LOXL2: variants seen among roughly 807,000 people sequenced by gnomAD.
The protein encoded by LOXL2 is lysyl oxidase homolog 2.
A neutral mutation model predicts 93.0 loss-of-function variants in LOXL2; 70 were observed. The observed-to-expected ratio is 0.75, with a 90% CI of 0.62 to 0.92. The LOEUF (loss-of-function observed/expected upper bound fraction) is 0.92, where lower values mean the gene tolerates loss of function less well. LOXL2 is among the 40% of genes least tolerant of loss of function. The probability of loss-of-function intolerance (pLI) is 0.00; values close to 1 mark genes in which losing one functional copy is unlikely to be tolerated. For missense variants in LOXL2, 973 were observed against 1,054.9 expected (o/e 0.92, Z 1.08); for synonymous variants, 438 against 413.2 (o/e 1.06, Z -0.73).
intron 6 of LOXL2, 77 bp from the exon 7 acceptor site, chr8:23,322,358 A>G (rs1285579707): frequency 2.2e-6 from 3 of 1,334,572 alleles, no homozygotes; most frequent in Non-Finnish European, 3.1e-6. Flanking sequence ...GCCCTGGACA[A>G]TAAGAACATG....
chr8:23,341,436 G>C (rs868488044), intron 3 of LOXL2: 5 of 566,958 alleles, frequency 8.8e-6, no homozygotes, highest in Non-Finnish European at 1.6e-5. Flanking sequence ...CAGGGAGTGG[G>C]GTGACCTGGA....
chr8:23,383,806 G>A lies in LOXL2; in HGVS notation c.-83-15372C>T, dbSNP rs529147189. On this transcript the variant is annotated intron_variant, in intron 1 of 13. Transcript: ENST00000389131. ...CTCCCGAGTAGCTGGGACTACAGGCGCCCGCCACCACGCCCGGCTAATTTT... is the reference window on the plus strand; with the variant it reads ...CTCCCGAGTAGCTGGGACTACAGGCACCCGCCACCACGCCCGGCTAATTTT... 4.5e-3 allele frequency among the ~76,000 whole-genome samples: 676 copies of A among 151,496 alleles called. 6 individuals are homozygous for A. Among genetic ancestry groups the A allele is most frequent in the African/African-American group, 0.015 (624 of 41,276 alleles).
intron 1 of LOXL2, among the ~76,000 whole-genome samples, chr8:23,390,457 G>A (rs1804824364): frequency 6.6e-6 from 1 of 152,200 alleles, no homozygotes; most frequent in East Asian, 1.9e-4. Context: ...GAATGTTCAG[G>A]GCACAGTGAG....
At chr8:23,348,056 C>G (rs1038292995) in intron 3 of LOXL2, among the ~76,000 whole-genome samples, 2 of 152,038 alleles carry the variant, frequency 1.3e-5, no homozygotes, top group African/African-American at 4.8e-5. Flanking sequence ...CACATATACA[C>G]CATGGAATAC....
At chr8:23,340,141 T>C (rs1221095481) in intron 4 of LOXL2, among the ~76,000 whole-genome samples, 2 of 152,196 alleles carry the variant, frequency 1.3e-5, no homozygotes, top group Admixed American at 6.5e-5. Context: ...GAGGCCTGGA[T>C]CTGCCCCTTC....
chr8:23,380,033 C>T (rs889798720), intron 1 of LOXL2, among the ~76,000 whole-genome samples: 14 of 152,190 alleles, frequency 9.2e-5, no homozygotes, highest in Non-Finnish European at 1.6e-4. Context: ...GCGTTGCTCA[C>T]GCTGGCAGAC....
intron 1 of LOXL2, chr8:23,371,269 A>G (rs1804488306): frequency 6.6e-6 from 1 of 152,254 alleles, no homozygotes. Flanking sequence ...TCACCAGAAT[A>G]CCCACAAGAC....
At chr8:23,378,710 C>G (rs1347115947) in intron 1 of LOXL2, among the ~76,000 whole-genome samples, 1 of 152,130 alleles carries the variant, frequency 6.6e-6, no homozygotes, top group Non-Finnish European at 1.5e-5. Flanking sequence ...TCACTGATAC[C>G]CTTTCTTCTG....
intron 1 of LOXL2, among the ~76,000 whole-genome samples, chr8:23,394,005 C>T (rs762770814): frequency 6.6e-6 from 1 of 152,082 alleles, no homozygotes; most frequent in Non-Finnish European, 1.5e-5. Flanking sequence ...AAAAGATAAC[C>T]CACAGAATGG....
At chr8:23,376,627 G>A (rs1804597414) in intron 1 of LOXL2, among the ~76,000 whole-genome samples, 1 of 152,062 alleles carries the variant, frequency 6.6e-6, no homozygotes, top group Non-Finnish European at 1.5e-5. Flanking sequence ...GCCTGTTATT[G>A]GTCTATTCAG....
At chr8:23,338,748 A>G (rs1312200092) in intron 4 of LOXL2, among the ~76,000 whole-genome samples, 1 of 152,208 alleles carries the variant, frequency 6.6e-6, no homozygotes, top group African/African-American at 2.4e-5. Context: ...AGACCTCTGC[A>G]GTCCTCAGCT....
At chr8:23,319,860 G>C (rs751183101) in intron 8 of LOXL2, 25 bp downstream of exon 8, 8 of 1,609,050 alleles carry the variant, frequency 5.0e-6, no homozygotes, top group Non-Finnish European at 6.8e-6. Context: ...GGGTGAATGC[G>C]GGGTCTGAGG....
At chr8:23,310,113 T>A (rs1803299791) in intron 9 of LOXL2, among the ~76,000 whole-genome samples, 1 of 152,210 alleles carries the variant, frequency 6.6e-6, no homozygotes. Flanking sequence ...TTGACAACTC[T>A]TCAGTTATCG....
In LOXL2 at chr8:23,302,051, C is replaced by T; in HGVS notation, c.2109G>A (p.Val703=). Reference sequence around the variant, plus strand: ...CCTGGAACAGGTAGTCTCCAGGGGGCACGTCAGTGATGTCAACCCACTGGC... The same window carrying T: ...CCTGGAACAGGTAGTCTCCAGGGGGTACGTCAGTGATGTCAACCCACTGGC... ...IDCQWVDITD[V]PPGDYLFQVV... Residue 703 remains valine (V), a synonymous_variant, in exon 12 of 14, where the codon GTG becomes GTA. Transcript: ENST00000389131. 1.9e-6 allele frequency: 3 copies of T among 1,614,156 alleles called. No homozygotes were observed. The highest frequency in any genetic ancestry group is 2.5e-6 in the Non-Finnish European group (3 of 1,179,994).
At chr8:23,305,267 C>G (rs1489540743) in intron 10 of LOXL2, among the ~76,000 whole-genome samples, 1 of 152,202 alleles carries the variant, frequency 6.6e-6, no homozygotes, top group Non-Finnish European at 1.5e-5. Context: ...AGCGCACAGA[C>G]AGACTCTTGT....
rs10091629 is a variant in LOXL2, at chr8:23,399,754, C to G, written c.-84+4200G>C. Among the ~76,000 whole-genome samples, 122 of 152,328 alleles carry G rather than the reference C, an allele frequency of 8.0e-4. 1 individual carries two copies. The highest frequency in any genetic ancestry group is 2.8e-3 in the African/African-American group (117 of 41,582). On this transcript the variant is annotated intron_variant, in intron 1 of 13. Transcript: ENST00000389131. ...GACTAAAACACCTCCTAAGGCTCCCCAAACTTTAAAATGAAGGAAGCAGTC... is the reference window on the plus strand; with the variant it reads ...GACTAAAACACCTCCTAAGGCTCCCGAAACTTTAAAATGAAGGAAGCAGTC...
intron 10 of LOXL2, among the ~76,000 whole-genome samples, chr8:23,307,797 C>T (rs904225418): frequency 6.6e-6 from 1 of 151,990 alleles, no homozygotes; most frequent in Non-Finnish European, 1.5e-5. Context: ...TCTATAAAGA[C>T]CACACCTTCT....
intron 9 of LOXL2, chr8:23,316,731 C>A: frequency 1.9e-6 from 1 of 536,990 alleles, no homozygotes; most frequent in Non-Finnish European, 3.2e-6. Context: ...CAGACTGCAG[C>A]CCCTCCCTCC....
At chr8:23,357,540 T>C (rs1804220187) in intron 3 of LOXL2, among the ~76,000 whole-genome samples, 1 of 152,192 alleles carries the variant, frequency 6.6e-6, no homozygotes, top group Non-Finnish European at 1.5e-5. Flanking sequence ...TCTAATGAAG[T>C]GCCACTCAGA....
Sources: gnomAD v4.1 joint callset for allele counts (sites outside exome capture counted in the v4.1 genomes callset) on GRCh38, gnomAD v4.1.1 for gene constraint, MANE v1.5 for transcripts, NCBI Gene and HGNC (gene_info 2026-07-23, HGNC 2026-07-21) for gene names.